The following RIF1 variants were observed in gnomAD, a reference collection of about 807,000 sequenced individuals.
RIF1 encodes replication timing regulatory factor 1, also known as telomere-associated protein RIF1.
A neutral mutation model predicts 247.1 loss-of-function variants in RIF1; 45 were observed. That is an observed-to-expected ratio of 0.18 (90% confidence interval 0.14 to 0.23). The LOEUF is 0.23. Among genes scored for constraint, RIF1 ranks in the 10% least tolerant of loss-of-function variants. The probability of loss-of-function intolerance (pLI) is 1.00; values close to 1 mark genes in which losing one functional copy is unlikely to be tolerated. For synonymous variants in RIF1, 1,087 were observed against 978.8 expected, an observed-to-expected ratio of 1.11 and a Z score of -2.06; for missense variants, 2,967 against 2,862.5, an observed-to-expected ratio of 1.04 and a Z score of -0.83.
chr2:151,521,038 C>T, the RIF1 span, among the ~76,000 whole-genome samples: 1 of 152,198 alleles, frequency 6.6e-6, no homozygotes, highest in South Asian at 2.1e-4. Context: ...TGAGCTGTTT[C>T]TAGATGTTAG....
chr2:151,420,398 A>G lies in RIF1; in HGVS notation c.693+19A>G. 2 of 1,611,348 alleles carry G rather than the reference A, an allele frequency of 1.2e-6. No individual in the cohort carries two copies. The highest frequency in any genetic ancestry group is 4.5e-5 in the East Asian group (2 of 44,832). ...GACTACTGTGAGTGTTCTTTTATGTAAGAATTTTCTGGATACTGCATCGGA... is the reference window on the plus strand; with the variant it reads ...GACTACTGTGAGTGTTCTTTTATGTGAGAATTTTCTGGATACTGCATCGGA... On this transcript the variant is annotated intron_variant, in intron 7 of 35. Transcript: ENST00000444746.
chr2:151,416,861 TCTG>T lies in RIF1; in HGVS notation c.467_469del (p.Ala156del), dbSNP rs755838553. On this transcript the variant is annotated inframe_deletion, in exon 6 of 36. Coordinates refer to ENST00000444746, the MANE Select transcript of RIF1 (RefSeq NM_018151.5). ...ACTGTTTAACAAAGGAGAGACGCAT[TCTG>T]CTGTTGTTGATTTTGAAGCATTAAA... 1 of 1,612,994 alleles carries T rather than the reference TCTG, an allele frequency of 6.2e-7. No individual in the cohort carries two copies. The highest frequency in any genetic ancestry group is 2.2e-5 in the East Asian group (1 of 44,798).
chr2:151,468,122 A>C lies in RIF1; in HGVS notation c.6723A>C (p.Lys2241Asn). 6.2e-7 allele frequency: 1 copy of C among 1,613,154 alleles called. No homozygotes were observed. The highest frequency in any genetic ancestry group is 8.5e-7 in the Non-Finnish European group (1 of 1,179,370). Residue 2241 changes from lysine (K) to asparagine (N), a missense_variant, in exon 31 of 36, where the codon AAA becomes AAC. This residue lies in a region of RIF1 where 2,028 missense variants were observed against 1,825.6 expected (regional missense o/e 1.11). Transcript: ENST00000444746. Reference protein sequence around the residue: ...SNSSPIGKSVKTSPTTQSKHN... With the variant: ...SNSSPIGKSVNTSPTTQSKHN... ...GTTCTCCCATAGGAAAAAGTGTTAA[A>C]ACTTCTCCTACTACACAATCTAAGG...
At chr2:151,437,724 T>C (rs1046144565) in intron 13 of RIF1, among the ~76,000 whole-genome samples, 1 of 152,102 alleles carries the variant, frequency 6.6e-6, no homozygotes, top group African/African-American at 2.4e-5. Flanking sequence ...ATAACAAATA[T>C]TTATATAGTG....
chr2:151,447,054 C>A (rs993105385), intron 20 of RIF1, among the ~76,000 whole-genome samples: 1 of 151,714 alleles, frequency 6.6e-6, no homozygotes. Context: ...CGCCATTCTC[C>A]TGCCTCAGCC....
chr2:151,496,889 GA>G, intron 10 of RIF1: 1 of 1,466,860 alleles, frequency 6.8e-7, no homozygotes, highest in Non-Finnish European at 9.3e-7. Context: ...TTTAAATCAT[GA>G]AATAGTTTTT....
chr2:151,445,607 G>T lies in RIF1; in HGVS notation c.2094+162G>T, dbSNP rs146892844. On this transcript the variant is annotated intron_variant, in intron 19 of 35. Transcript: ENST00000444746. ...TGTCGTCCAGGCTTGGAGTACAGTG[G>T]TGCAATCTCAGCTTACTGCAACCTC... 1.4e-3 allele frequency among the ~76,000 whole-genome samples: 220 copies of T among 151,920 alleles called. 1 individual carries two copies. Among genetic ancestry groups the T allele is most frequent in the African/African-American group, 5.1e-3 (213 of 41,416 alleles).
rs1559014132 is a variant in RIF1, at chr2:151,463,580, A to G, written c.4060A>G (p.Asn1354Asp). The change falls in exon 30 of 36, where the codon AAT (asparagine) becomes GAT (aspartate). Residue 1354 changes from asparagine (N) to aspartate (D), a missense_variant. Around this residue, in one of 7 missense-constraint regions of RIF1, gnomAD observed 2,028 missense variants for 1,825.6 expected, o/e 1.11. Coordinates refer to ENST00000444746, the MANE Select transcript of RIF1 (RefSeq NM_018151.5). ...HLSESTMEHD[N>D]TKLKAATVEN... ...TTCTGAATCTACAATGGAGCATGAC[A>G]ATACAAAGCTTAAAGCAGCAACAGT... The G allele has an allele frequency of 1.2e-6, 2 of 1,613,944 alleles. No individual in the cohort carries two copies.
At chr2:151,441,647 ACT>A (rs999049917) in intron 15 of RIF1, among the ~76,000 whole-genome samples, 2 of 152,128 alleles carry the variant, frequency 1.3e-5, no homozygotes, top group Admixed American at 1.3e-4. Flanking sequence ...AGGAAAATAG[ACT>A]CTGAACTGAA....
At chr2:151,484,108 TC>T (rs1175600530), downstream of RIF1, among the ~76,000 whole-genome samples, 3 of 152,254 alleles carry the variant, frequency 2.0e-5, no homozygotes, top group African/African-American at 7.2e-5. Flanking sequence ...TCTTTTTTTT[TC>T]TGAATATTTT....
At chr2:151,461,030 C>G (rs1415209402) in intron 26 of RIF1, 108 bp from the exon 27 acceptor site, 1 of 1,020,552 alleles carries the variant, frequency 9.8e-7, no homozygotes, top group Non-Finnish European at 1.5e-6. Context: ...CATCAACTTT[C>G]ATAATCACTA....
At chr2:151,421,228 A>T (rs1688115549) in intron 7 of RIF1, among the ~76,000 whole-genome samples, 1 of 152,214 alleles carries the variant, frequency 6.6e-6, no homozygotes, top group African/African-American at 2.4e-5. Context: ...TACATAGTGT[A>T]GTAAGTGAAG....
chr2:151,412,963 A>G (rs966038442), intron 3 of RIF1, among the ~76,000 whole-genome samples: 1 of 151,906 alleles, frequency 6.6e-6, no homozygotes, highest in Non-Finnish European at 1.5e-5. Context: ...TTTCTTCATT[A>G]TCATATTCCA....
intron 6 of RIF1, among the ~76,000 whole-genome samples, chr2:151,418,156 G>A (rs1687535650): frequency 6.6e-6 from 1 of 152,104 alleles, no homozygotes; most frequent in Non-Finnish European, 1.5e-5. Flanking sequence ...TGTACACTTA[G>A]GCTATACTAA....
At chr2:151,460,725 T>C (rs1696008838) in intron 26 of RIF1, among the ~76,000 whole-genome samples, 1 of 152,224 alleles carries the variant, frequency 6.6e-6, no homozygotes, top group Non-Finnish European at 1.5e-5. Flanking sequence ...ATGGTTCCAA[T>C]GAACATTTAT....
At chr2:151,413,957 A>C (rs1686733269) in intron 3 of RIF1, among the ~76,000 whole-genome samples, 1 of 152,118 alleles carries the variant, frequency 6.6e-6, no homozygotes, top group Non-Finnish European at 1.5e-5. Context: ...ATATTGAGAT[A>C]CTCTTTGACA....
rs1264770024 is a variant in RIF1 at position 151,468,512 on chromosome 2, A to G, written c.6786A>G (p.Gly2262=). ...TTSAKGFLSP[G]SRSPKFKSSK... is the part of the protein sequence containing the mutation. ...CAGCCAAAGGATTTCTGTCCCCAGGATCACGTAGCCCTAAATTTAAGAGCT... is the reference window on the plus strand; with the variant it reads ...CAGCCAAAGGATTTCTGTCCCCAGGGTCACGTAGCCCTAAATTTAAGAGCT... The change falls in exon 32 of 36, where the codon GGA becomes GGG. Residue 2262 remains glycine, a synonymous_variant. Transcript: ENST00000444746. 5 of 1,613,660 alleles carry G rather than the reference A, an allele frequency of 3.1e-6. No homozygotes were observed. Among genetic ancestry groups the G allele is most frequent in the Non-Finnish European group, 2.5e-6 (3 of 1,179,674 alleles).
chr2:151,519,759 G>A, the RIF1 span: 7 of 1,604,630 alleles, frequency 4.4e-6, no homozygotes, highest in South Asian at 2.2e-5. Context: ...AAATTTTCTC[G>A]GTATTTAACC....
At chr2:151,490,102 T>C (rs765019089) in intron 9 of RIF1, 1 of 1,545,142 alleles carries the variant, frequency 6.5e-7, no homozygotes, top group South Asian at 1.2e-5. Flanking sequence ...GCAAATTCTT[T>C]ATAAGAAGAA....
Sources: allele counts gnomAD v4.1 joint callset (sites outside exome capture counted in the v4.1 genomes callset), GRCh38; gene constraint gnomAD v4.1.1; regional missense constraint gnomAD v4.1.1; transcripts MANE v1.5; gene names NCBI Gene and HGNC (gene_info 2026-07-23, HGNC 2026-07-21).